CFAP61: variants seen among roughly 807,000 people sequenced by gnomAD.
CFAP61 encodes cilia- and flagella-associated protein 61.
A neutral mutation model predicts 135.6 loss-of-function variants in CFAP61; 107 were observed. The ratio of observed to expected loss-of-function variants is 0.79; its 90% CI spans 0.67 to 0.93. The LOEUF (loss-of-function observed/expected upper bound fraction) is 0.93, where lower values mean the gene tolerates loss of function less well. Ranked by LOEUF, CFAP61 falls within the 40% of genes least tolerant of loss-of-function variation. CFAP61 has a pLI of 0.00. For synonymous variants in CFAP61, 575 were observed against 578.5 expected (o/e 0.99, Z 0.09); for missense variants, 1,507 against 1,556.2 (o/e 0.97, Z 0.53).
At chr20:20,247,100 TC>T (rs2050510561) in intron 19 of CFAP61, among the ~76,000 whole-genome samples, 1 of 152,212 alleles carries the variant, frequency 6.6e-6, no homozygotes, top group Non-Finnish European at 1.5e-5. Flanking sequence ...ATTTCATTTC[TC>T]TGAGCTTTGC....
intron 2 of CFAP61, among the ~76,000 whole-genome samples, chr20:20,064,537 G>T (rs75080851): frequency 0.017 from 2,527 of 152,282 alleles, 68 homozygotes; most frequent in African/African-American, 0.057. Flanking sequence ...AGCATCTACA[G>T]TGTGGATCTG....
At chr20:20,150,620 T>C (rs2052323718) in intron 9 of CFAP61, among the ~76,000 whole-genome samples, 1 of 152,154 alleles carries the variant, frequency 6.6e-6, no homozygotes, top group Admixed American at 6.5e-5. Context: ...ACACTAAGCA[T>C]ATCTACAACC....
chr20:20,160,178 T>C (rs1243435020), intron 10 of CFAP61, among the ~76,000 whole-genome samples: 1 of 152,214 alleles, frequency 6.6e-6, no homozygotes, highest in Non-Finnish European at 1.5e-5. Context: ...AGCATTTTCA[T>C]TCCCTGATGA....
chr20:20,077,742 T>G (rs1600479732), intron 6 of CFAP61, among the ~76,000 whole-genome samples: 1 of 152,200 alleles, frequency 6.6e-6, no homozygotes, highest in Non-Finnish European at 1.5e-5. Flanking sequence ...ATTTTCTGAT[T>G]GGCAGTTGAT....
rs986443546 is a variant in CFAP61 at position 20,101,577 on chromosome 20, C to T, written c.859+2763C>T. On this transcript the variant is annotated intron_variant, in intron 8 of 26. Transcript: ENST00000245957. ...GAAAACTCCAATGACGGGTCTGCTA[C>T]ACAAGATACATGATGAGTTTTTTCA... Among the ~76,000 whole-genome samples the T allele has an allele frequency of 4.7e-5, 7 of 149,078 alleles. No individual in the cohort carries two copies. The Admixed American group carries it at 4.8e-4, about 10-fold the overall frequency.
At chr20:20,205,012 A>G (rs942069943) in intron 17 of CFAP61, among the ~76,000 whole-genome samples, 1 of 152,038 alleles carries the variant, frequency 6.6e-6, no homozygotes, top group Non-Finnish European at 1.5e-5. Flanking sequence ...TCTTTCTACA[A>G]TACAAGTTCT....
intron 20 of CFAP61, among the ~76,000 whole-genome samples, chr20:20,252,333 A>G (rs1046106768): frequency 6.6e-6 from 1 of 152,222 alleles, no homozygotes; most frequent in African/African-American, 2.4e-5. Flanking sequence ...TCAATGTCTT[A>G]GGGCAGCAGA....
chr20:20,355,568 G>C (rs1299851677), intron 26 of CFAP61, among the ~76,000 whole-genome samples: 1 of 136,038 alleles, frequency 7.4e-6, no homozygotes, highest in Non-Finnish European at 1.5e-5. Context: ...TGGTCACACT[G>C]TGAGGGGAGG....
chr20:20,203,262 C>T (rs758812911), intron 17 of CFAP61, among the ~76,000 whole-genome samples: 8 of 152,130 alleles, frequency 5.3e-5, no homozygotes, highest in Non-Finnish European at 7.4e-5. Flanking sequence ...CCACAGTCAA[C>T]CAGTGTGAAT....
chr20:20,095,906 C>A (rs1446577248), intron 7 of CFAP61, among the ~76,000 whole-genome samples: 5 of 152,190 alleles, frequency 3.3e-5, no homozygotes, highest in Non-Finnish European at 5.9e-5. Context: ...AAAATACACA[C>A]GTTTCTGTAA....
At chr20:20,330,315 T>C (rs2057933750) in intron 25 of CFAP61, among the ~76,000 whole-genome samples, 1 of 152,118 alleles carries the variant, frequency 6.6e-6, no homozygotes, top group Admixed American at 6.6e-5. Flanking sequence ...GAGGTACATC[T>C]CAATTCAGAC....
intron 25 of CFAP61, among the ~76,000 whole-genome samples, chr20:20,311,904 G>A (rs528028068): frequency 6.6e-6 from 1 of 152,262 alleles, no homozygotes; most frequent in South Asian, 2.1e-4. Context: ...AGATTAATGA[G>A]GCAATAGGTA....
intron 8 of CFAP61, among the ~76,000 whole-genome samples, chr20:20,137,119 T>G (rs911585917): frequency 2.6e-5 from 4 of 152,200 alleles, no homozygotes; most frequent in Non-Finnish European, 5.9e-5. Context: ...GAAGTCTCTC[T>G]CTCTGTGTTG....
chr20:20,202,930 C>A (rs1254730799), intron 17 of CFAP61, among the ~76,000 whole-genome samples: 1 of 152,044 alleles, frequency 6.6e-6, no homozygotes, highest in Non-Finnish European at 1.5e-5. Flanking sequence ...AGCCAATCTT[C>A]AAGGGAACAG....
chr20:20,279,469 A>C (rs1464988131), intron 22 of CFAP61, among the ~76,000 whole-genome samples: 1 of 152,230 alleles, frequency 6.6e-6, no homozygotes, highest in Non-Finnish European at 1.5e-5. Context: ...AATCATAAGG[A>C]AGAGAAAATA....
intron 9 of CFAP61, among the ~76,000 whole-genome samples, chr20:20,145,130 T>C (rs2051766479): frequency 6.6e-6 from 1 of 152,152 alleles, no homozygotes; most frequent in Non-Finnish European, 1.5e-5. Flanking sequence ...TGGGTAAATA[T>C]ATAAGATTTT....
At chr20:20,249,463 C>T (rs1474678854) in intron 19 of CFAP61, among the ~76,000 whole-genome samples, 1 of 152,108 alleles carries the variant, frequency 6.6e-6, no homozygotes, top group Admixed American at 6.5e-5. Flanking sequence ...AGCTTGGGCC[C>T]AGGAGGTCAA....
At chr20:20,123,432 A>T (rs938813874) in intron 8 of CFAP61, among the ~76,000 whole-genome samples, 1 of 151,508 alleles carries the variant, frequency 6.6e-6, no homozygotes, top group Non-Finnish European at 1.5e-5. Context: ...GGTTTTTCCA[A>T]GGTGAGAGAT....
intron 26 of CFAP61, among the ~76,000 whole-genome samples, chr20:20,353,034 AACAGGAAAAC>A (rs1413405016): frequency 3.3e-5 from 5 of 152,356 alleles, no homozygotes; most frequent in Non-Finnish European, 7.3e-5. Flanking sequence ...ACAACTCACT[AACAGGAAAAC>A]AAATGACCTG....
Sources: allele counts gnomAD v4.1 joint callset (sites outside exome capture counted in the v4.1 genomes callset), GRCh38; gene constraint gnomAD v4.1.1; transcripts MANE v1.5; gene names NCBI Gene and HGNC (gene_info 2026-07-23, HGNC 2026-07-21).